The following SF3B2 variants were observed in gnomAD, a reference collection of about 807,000 sequenced individuals.
SF3B2 encodes the protein splicing factor 3b subunit 2.
Under a neutral mutation model 116.3 loss-of-function variants are expected in SF3B2, and 22 were observed. That is an observed-to-expected ratio of 0.19 (90% CI 0.14 to 0.27). SF3B2 has a LOEUF of 0.27. SF3B2 is among the 10% of genes least tolerant of loss of function. The probability of loss-of-function intolerance (pLI) is 1.00; values close to 1 mark genes in which losing one functional copy is unlikely to be tolerated. For synonymous variants in SF3B2, 406 were observed against 421.6 expected (o/e 0.96, Z 0.45); for missense variants, 767 against 1,151.4 (o/e 0.67, Z 4.83).
At position 66,060,674 on chromosome 11, in the gene SF3B2, C is replaced by A. The variant is rs773127341; in HGVS notation, c.1722C>A (p.Ala574=). 31 of 1,614,058 alleles carry A rather than the reference C, an allele frequency of 1.9e-5. No homozygotes were observed. Among genetic ancestry groups the A allele is most frequent in the Non-Finnish European group, 2.5e-5 (30 of 1,180,048 alleles). Residue 574 remains alanine, a synonymous_variant, in exon 14 of 22, where the codon GCC becomes GCA. Coordinates refer to ENST00000322535, the MANE Select transcript of SF3B2 (RefSeq NM_006842.3). The stretch of plus-strand genomic sequence containing the variant: ...TCGACTACCAGAAACTGCATGATGC[C>A]TTCTTCAAGTGGCAGACCAAGCCAA... ...IDIDYQKLHD[A]FFKWQTKPKL... is the part of the protein sequence containing the mutation.
chr11:66,056,098 G>A (rs576836), intron 5 of SF3B2, among the ~76,000 whole-genome samples: 2 of 151,956 alleles, frequency 1.3e-5, no homozygotes, highest in Non-Finnish European at 2.9e-5. Flanking sequence ...TAAAAAGTAA[G>A]TGTTAAAAAG....
chr11:66,055,244 G>A lies in SF3B2; in HGVS notation c.427G>A (p.Glu143Lys), dbSNP rs915913817. ...TGTGGGTGAGCCAGTGGCACTGTCA[G>A]AGGAGGAGCGGCTGAAGTTGGCTCA... ...LRVGEPVALS[E>K]EERLKLAQQQ... The change falls in exon 4 of 22, where the codon GAG (glutamate) becomes AAG (lysine). Residue 143 changes from glutamate to lysine, a missense_variant. By Grantham distance (56) the Glu-to-Lys change is moderately conservative (BLOSUM62 1). Transcript: ENST00000322535. 4 of 1,613,922 alleles carry A rather than the reference G, an allele frequency of 2.5e-6. No individual in the cohort carries two copies. The highest frequency in any genetic ancestry group is 3.4e-6 in the Non-Finnish European group (4 of 1,179,946).
chr11:66,067,731 C>T (rs1003532902), intron 19 of SF3B2: 1 of 550,604 alleles, frequency 1.8e-6, no homozygotes, highest in Non-Finnish European at 3.3e-6. Flanking sequence ...ATTCAGGGGG[C>T]CCCTTAGCTC....
Position 66,057,323 on chromosome 11 carries a change from C to T in SF3B2, c.725C>T (p.Pro242Leu). 6.2e-7 allele frequency: 1 copy of T among 1,608,986 alleles called. No homozygotes were observed. Among genetic ancestry groups the T allele is most frequent in the Non-Finnish European group, 8.5e-7 (1 of 1,175,298 alleles). ...CCTACAGTTTTGCCCATGGGAGCCC[C>T]TGTTCCCCGGCCTCGTGGTCCCCCA... ...PTPTVLPMGA[P>L]VPRPRGPPPP... Residue 242 changes from proline to leucine, a missense_variant, in exon 7 of 22, where the codon CCT becomes CTT. Around this residue, in one of 4 missense-constraint regions of SF3B2, gnomAD observed 455 missense variants for 537.5 expected, o/e 0.85. Transcript: ENST00000322535.
Position 66,068,340 on chromosome 11 carries a change from G to A in SF3B2, c.2616+7G>A, listed in dbSNP as rs373931722. 1,297 of 1,598,982 alleles carry A rather than the reference G, an allele frequency of 8.1e-4. 3 individuals carry two copies. Among genetic ancestry groups the A allele is most frequent in the Non-Finnish European group, 1.0e-3 (1,176 of 1,174,118 alleles). ...GCACGCTGCCAAACAGAAGGTAGGC[G>A]CTTCCAGGGGCGCTGGGCTGGGTGA... is the stretch of plus-strand genomic sequence containing the variant. On this transcript the variant is annotated splice_region_variant and intron_variant, in intron 21 of 21. Coordinates refer to ENST00000322535, the MANE Select transcript of SF3B2 (RefSeq NM_006842.3).
intron 21 of SF3B2, 167 bp from the exon 22 acceptor site, chr11:66,068,507 C>T (rs531755686): frequency 1.7e-5 from 15 of 861,624 alleles, no homozygotes; most frequent in African/African-American, 1.7e-4. Context: ...TCTTTAAGGA[C>T]GATGAGGGGG....
At chr11:66,065,734 G>A (rs1032663967) in intron 19 of SF3B2, 4 of 151,992 alleles carry the variant, frequency 2.6e-5, no homozygotes, top group Non-Finnish European at 4.4e-5. Flanking sequence ...ATTTTCTTCT[G>A]TAATTTCTGA....
chr11:66,064,911 A>C (rs950977298), intron 19 of SF3B2: 1 of 151,984 alleles, frequency 6.6e-6, no homozygotes, highest in African/African-American at 2.4e-5. Flanking sequence ...TTTGGCCTTC[A>C]TTTTTGAAAG....
chr11:66,055,387 T>G (rs1008090348), intron 4 of SF3B2, 72 bp downstream of exon 4: 172 of 1,588,000 alleles, frequency 1.1e-4, no homozygotes, highest in Middle Eastern at 2.1e-4. Context: ...TAGAGAAAGC[T>G]GGGTCCTAGA....
At chr11:66,055,697 T>A in intron 5 of SF3B2, 112 bp downstream of exon 5, 3 of 893,692 alleles carry the variant, frequency 3.4e-6, no homozygotes, top group Non-Finnish European at 5.3e-6. Flanking sequence ...TGTTCTCAAC[T>A]AAGTTCTAGT....
rs1180660653 is a variant in SF3B2, at chr11:66,058,880, G to T, written c.1017G>T (p.Val339=). The change falls in exon 10 of 22, where the codon GTG becomes GTT. Residue 339 remains valine, a synonymous_variant. Transcript: ENST00000322535. ...AGAAGAAGAAAAAGCCCCAGCGGGT[G>T]CGAGGGGTGTCCTCTGAGAGCTCTG... The part of the protein sequence containing the change: ...NRKKKKKPQR[V]RGVSSESSGD... 6.2e-7 allele frequency: 1 copy of T among 1,613,884 alleles called. No homozygotes were observed. The highest frequency in any genetic ancestry group is 1.3e-5 in the African/African-American group (1 of 75,046).
At chr11:66,067,270 CT>C (rs1450438416) in intron 19 of SF3B2, 1 of 391,892 alleles carries the variant, frequency 2.6e-6, no homozygotes, top group Non-Finnish European at 5.1e-6. Context: ...GCTATGAACC[CT>C]TTAGGTCATG....
rs149964750 is a variant in SF3B2 at position 66,055,102 on chromosome 11, A to G, written c.285A>G (p.Pro95=). The G allele has an allele frequency of 3.7e-4, 562 of 1,523,402 alleles. No individual in the cohort carries two copies. Among genetic ancestry groups the G allele is most frequent in the Non-Finnish European group, 4.6e-4 (518 of 1,133,764 alleles). The allele number at this position is 1,523,402 out of a possible 1,614,324, so 94.4% of individuals were successfully genotyped here. A position where few individuals can be genotyped will look rare whatever the true frequency, so the allele number is the denominator to read the frequency against. ...AQLPGIPMPP[P]PLGLPPLQPP... ...TCCCTGGAATTCCCATGCCACCACC[A>G]CCTTTGGGACTCCCCCCTCTGCAGC... Residue 95 remains proline (P), a synonymous_variant, in exon 4 of 22, where the codon CCA becomes CCG. Transcript: ENST00000322535.
chr11:66,060,807 T>A, intron 14 of SF3B2, 76 bp downstream of exon 14: 4 of 1,502,866 alleles, frequency 2.7e-6, no homozygotes, highest in Non-Finnish European at 3.6e-6. Flanking sequence ...TGTTTGTTTG[T>A]TTGTTTAAAA....
At chr11:66,057,167 C>T in intron 6 of SF3B2, 99 bp from the exon 7 acceptor site, 4 of 915,368 alleles carry the variant, frequency 4.4e-6, no homozygotes, top group East Asian at 2.4e-5. Context: ...GTGCCCTCCT[C>T]CCCTGCAGGT....
chr11:66,067,588 G>T (rs190039552), intron 19 of SF3B2: 3 of 465,772 alleles, frequency 6.4e-6, no homozygotes, highest in East Asian at 1.3e-4. Flanking sequence ...GACATTCTTC[G>T]GGTGGGAACT....
intron 4 of SF3B2, 52 bp downstream of exon 4, chr11:66,055,367 A>G: frequency 6.3e-7 from 1 of 1,593,712 alleles, no homozygotes. Context: ...CTGAAGGGGC[A>G]GTGGAGCCTT....
chr11:66,053,032 C>T lies in SF3B2; in HGVS notation c.186C>T (p.Gly62=), dbSNP rs1679675083. 6.2e-7 allele frequency: 1 copy of T among 1,614,096 alleles called. No individual in the cohort carries two copies. Among genetic ancestry groups the T allele is most frequent in the East Asian group, 2.2e-5 (1 of 44,878 alleles). ...GAGTCCTTTCTCTTTTGCAGACTGGCATCGTGCTGAATCGGCCGGTTTTGA... is the reference window on the plus strand; with the variant it reads ...GAGTCCTTTCTCTTTTGCAGACTGGTATCGTGCTGAATCGGCCGGTTTTGA... ...ERLQSYTRQT[G]IVLNRPVLRG... is the part of the protein sequence containing the mutation. The change falls in exon 3 of 22, where the codon GGC becomes GGT. Residue 62 remains glycine (G), a synonymous_variant. Coordinates refer to ENST00000322535, the MANE Select transcript of SF3B2 (RefSeq NM_006842.3).
At chr11:66,053,273 C>T (rs1474332012) in intron 3 of SF3B2, 169 bp downstream of exon 3, 47 of 670,586 alleles carry the variant, frequency 7.0e-5, no homozygotes, top group Middle Eastern at 4.2e-4. Flanking sequence ...GGTAGCCCTT[C>T]CTCTCACTTG....
Sources: allele counts gnomAD v4.1 joint callset (sites outside exome capture counted in the v4.1 genomes callset), GRCh38; gene constraint gnomAD v4.1.1; regional missense constraint gnomAD v4.1.1; transcripts MANE v1.5; gene names NCBI Gene and HGNC (gene_info 2026-07-23, HGNC 2026-07-21).